MEGF11: variants seen among roughly 807,000 people sequenced by gnomAD.
The protein encoded by MEGF11 is multiple epidermal growth factor-like domains protein 11.
MEGF11 carries 126 observed loss-of-function variants against 146.6 expected under a neutral mutation model. That is an observed-to-expected ratio of 0.86 (90% CI 0.74 to 1.00). The LOEUF (loss-of-function observed/expected upper bound fraction) is 1.00, where lower values mean the gene tolerates loss of function less well. Among genes scored for constraint, MEGF11 ranks in the 50% least tolerant of loss-of-function variants. The pLI is 0.00. For synonymous variants in MEGF11, 532 were observed against 583.4 expected (o/e 0.91, Z 1.27); for missense variants, 1,509 against 1,521.2 (o/e 0.99, Z 0.13).
intron 5 of MEGF11, among the ~76,000 whole-genome samples, chr15:66,076,429 A>G (rs1042425007): frequency 2.0e-5 from 3 of 152,114 alleles, no homozygotes; most frequent in Non-Finnish European, 4.4e-5. Context: ...GCCATATAGT[A>G]GACATATTTT....
intron 5 of MEGF11, among the ~76,000 whole-genome samples, chr15:66,004,190 C>T (rs139947993): frequency 1.7e-4 from 26 of 152,218 alleles, no homozygotes; most frequent in African/African-American, 4.8e-4. Context: ...AGATAATAGC[C>T]GTAAAAGTGC....
chr15:66,191,718 T>A (rs1034095342), intron 1 of MEGF11, among the ~76,000 whole-genome samples: 7 of 152,238 alleles, frequency 4.6e-5, no homozygotes, highest in Admixed American at 1.3e-4. Flanking sequence ...GGAATGACAC[T>A]GTCTTATCTT....
At chr15:66,211,095 G>A (rs982925214) in intron 1 of MEGF11, among the ~76,000 whole-genome samples, 7 of 152,174 alleles carry the variant, frequency 4.6e-5, no homozygotes, top group Non-Finnish European at 8.8e-5. Flanking sequence ...ACTCCAAGGT[G>A]CACCTCACCA....
At position 65,913,745 on chromosome 15, in the gene MEGF11, G is replaced by T. The variant is rs774535453; in HGVS notation, c.2702C>A (p.Ser901Tyr). The T allele has an allele frequency of 6.2e-7, 1 of 1,611,744 alleles. No individual in the cohort carries two copies. Among genetic ancestry groups the T allele is most frequent in the Admixed American group, 1.7e-5 (1 of 59,632 alleles). Reference sequence around the variant, plus strand: ...AGGAGCATGGCCCTTACCTGAGAGGGAGTAGTCGGTGCTGGTCATCCTCAT... The same window carrying T: ...AGGAGCATGGCCCTTACCTGAGAGGTAGTAGTCGGTGCTGGTCATCCTCAT... ...PAMRMTSTDY[S>Y]LSDLSQSSSH... Residue 901 changes from serine to tyrosine, a missense_variant, in exon 20 of 26, where the codon TCC becomes TAC. Transcript: ENST00000395614.
chr15:66,179,824 C>G (rs2090496802), intron 1 of MEGF11, among the ~76,000 whole-genome samples: 2 of 149,742 alleles, frequency 1.3e-5, no homozygotes, highest in African/African-American at 4.9e-5. Flanking sequence ...CCCCCCCACC[C>G]CCACCAACAC....
At chr15:65,926,648 T>A (rs2079382894) in intron 13 of MEGF11, among the ~76,000 whole-genome samples, 1 of 152,210 alleles carries the variant, frequency 6.6e-6, no homozygotes, top group Non-Finnish European at 1.5e-5. Flanking sequence ...ATTGGCCCCC[T>A]TCTGCATGAC....
At chr15:66,027,558 C>T (rs981321929) in intron 5 of MEGF11, among the ~76,000 whole-genome samples, 1 of 152,234 alleles carries the variant, frequency 6.6e-6, no homozygotes, top group African/African-American at 2.4e-5. Flanking sequence ...ACTGCAGGTC[C>T]ACTTCCTGTT....
chr15:66,103,996 T>C (rs1393127402), intron 4 of MEGF11, among the ~76,000 whole-genome samples: 3 of 152,242 alleles, frequency 2.0e-5, no homozygotes, highest in African/African-American at 7.2e-5. Context: ...CGGCAGGTGA[T>C]TTCACTCCTC....
At chr15:66,065,456 G>A (rs1055655628) in intron 5 of MEGF11, among the ~76,000 whole-genome samples, 2 of 152,204 alleles carry the variant, frequency 1.3e-5, no homozygotes, top group Non-Finnish European at 2.9e-5. Context: ...GTCTGGATCT[G>A]AGGGTCCACT....
chr15:66,234,645 T>G (rs2092051227), intron 1 of MEGF11, among the ~76,000 whole-genome samples: 1 of 152,102 alleles, frequency 6.6e-6, no homozygotes, highest in African/African-American at 2.4e-5. Context: ...CCCAATCGGG[T>G]CCCTACAATG....
At chr15:66,021,639 CA>C (rs1249829474) in intron 5 of MEGF11, among the ~76,000 whole-genome samples, 1 of 152,194 alleles carries the variant, frequency 6.6e-6, no homozygotes, top group Non-Finnish European at 1.5e-5. Flanking sequence ...GCCCGGGGCT[CA>C]AGCCCAAATG....
intron 1 of MEGF11, among the ~76,000 whole-genome samples, chr15:66,177,860 CT>C (rs1215861351): frequency 1.3e-5 from 2 of 151,868 alleles, no homozygotes; most frequent in Non-Finnish European, 2.9e-5. Context: ...AATTTTTGTA[CT>C]TTTAGTAGAG....
At chr15:66,130,541 A>C (rs1222464240) in intron 1 of MEGF11, among the ~76,000 whole-genome samples, 1 of 152,054 alleles carries the variant, frequency 6.6e-6, no homozygotes, top group African/African-American at 2.4e-5. Flanking sequence ...GATGGGAGAG[A>C]GAGGTAACTT....
intron 1 of MEGF11, among the ~76,000 whole-genome samples, chr15:66,165,329 G>T (rs942437933): frequency 6.6e-6 from 1 of 152,158 alleles, no homozygotes; most frequent in African/African-American, 2.4e-5. Context: ...GACTCACAGG[G>T]TTGGTGCAGA....
chr15:65,918,331 T>G (rs1054380536), intron 15 of MEGF11, among the ~76,000 whole-genome samples: 6 of 152,200 alleles, frequency 3.9e-5, no homozygotes, highest in African/African-American at 1.2e-4. Flanking sequence ...ATGATTGCCT[T>G]TAAGAACAGC....
intron 5 of MEGF11, among the ~76,000 whole-genome samples, chr15:65,992,857 G>A (rs2082097283): frequency 6.6e-6 from 1 of 152,192 alleles, no homozygotes; most frequent in Non-Finnish European, 1.5e-5. Context: ...GTGGCCAGGT[G>A]GCTTGCCCAC....
In MEGF11 at chr15:66,160,699, ACACACACC is replaced by A. The variant is rs749710990; in HGVS notation, c.-8-32296_-8-32289del. Among the ~76,000 whole-genome samples, 445 of 151,140 alleles carry A rather than the reference ACACACACC, an allele frequency of 2.9e-3. 2 individuals carry two copies. The highest frequency in any genetic ancestry group is 0.015 in the East Asian group (78 of 5,162). On this transcript the variant is annotated intron_variant, in intron 1 of 25. Coordinates refer to ENST00000395614, the MANE Select transcript of MEGF11 (RefSeq NM_001385028.1). ...CACACACACACACACACACACACAC[ACACACACC>A]CTTGCCCTAGGAATTTATTCCTGCC... is the stretch of plus-strand genomic sequence containing the variant.
chr15:65,947,647 T>G (rs1236626898), intron 10 of MEGF11, among the ~76,000 whole-genome samples: 1 of 152,202 alleles, frequency 6.6e-6, no homozygotes. Context: ...CTTCTCTGAT[T>G]TGTGGCCCTA....
At chr15:65,915,885 A>C (rs1489083675) in intron 18 of MEGF11, among the ~76,000 whole-genome samples, 1 of 151,266 alleles carries the variant, frequency 6.6e-6, no homozygotes, top group East Asian at 1.9e-4. Context: ...AAGAATAATA[A>C]AAAAAAAATC....
Sources: allele counts gnomAD v4.1 joint callset (sites outside exome capture counted in the v4.1 genomes callset), GRCh38; gene constraint gnomAD v4.1.1; transcripts MANE v1.5; gene names NCBI Gene and HGNC (gene_info 2026-07-23, HGNC 2026-07-21).